The following THSD4 variants were observed in gnomAD, a reference collection of about 807,000 sequenced individuals.
THSD4 encodes the protein thrombospondin type 1 domain containing 4.
In THSD4, 69 loss-of-function variants were observed where a neutral mutation model predicts 119.0. That is an observed-to-expected ratio of 0.58 (90% CI 0.48 to 0.71). THSD4 has a LOEUF of 0.71. Ranked by LOEUF, THSD4 falls within the 30% of genes least tolerant of loss-of-function variation. THSD4 has a pLI of 0.00. For missense variants in THSD4, 1,393 were observed against 1,391.1 expected, an observed-to-expected ratio of 1.00 and a Z score of -0.02; for synonymous variants, 524 against 540.4, an observed-to-expected ratio of 0.97 and a Z score of 0.42.
intron 3 of THSD4, among the ~76,000 whole-genome samples, chr15:71,176,037 C>G (rs1470765271): frequency 1.8e-5 from 2 of 110,224 alleles, no homozygotes; most frequent in Non-Finnish European, 1.9e-5. Flanking sequence ...AAAATCATGC[C>G]AAAATGTAAA....
At chr15:71,296,241 C>T (rs1448855016) in intron 6 of THSD4, among the ~76,000 whole-genome samples, 1 of 152,146 alleles carries the variant, frequency 6.6e-6, no homozygotes, top group Non-Finnish European at 1.5e-5. Flanking sequence ...AACTGTTTCC[C>T]AAAGTGTCTG....
intron 7 of THSD4, among the ~76,000 whole-genome samples, chr15:71,596,933 G>A (rs1299421188): frequency 6.6e-6 from 1 of 152,204 alleles, no homozygotes; most frequent in African/African-American, 2.4e-5. Flanking sequence ...AAGAAGGAAA[G>A]CAGCCAAGGA....
At chr15:71,350,236 A>T (rs2045726690) in intron 6 of THSD4, among the ~76,000 whole-genome samples, 1 of 151,974 alleles carries the variant, frequency 6.6e-6, no homozygotes, top group South Asian at 2.1e-4. Context: ...TTTGTCCTTG[A>T]GTTTGACCAC....
At chr15:71,660,852 C>T in intron 8 of THSD4, 118 bp downstream of exon 8, 8 of 1,155,202 alleles carry the variant, frequency 6.9e-6, no homozygotes, top group Non-Finnish European at 9.9e-6. Context: ...GGCAGTGCCC[C>T]TGGGGAATGT....
chr15:71,730,352 C>G (rs2052952534), intron 9 of THSD4: 1 of 152,252 alleles, frequency 6.6e-6, no homozygotes, highest in South Asian at 2.1e-4. Context: ...GCCCACCACC[C>G]TGCTCCCCAT....
At chr15:71,727,581 T>C (rs1476441229) in intron 8 of THSD4, among the ~76,000 whole-genome samples, 1,163 of 6,256 alleles carry the variant, frequency 0.19, 19 homozygotes, top group African/African-American at 0.31. Context: ...TATATATATA[T>C]ATATATACAC....
intron 7 of THSD4, among the ~76,000 whole-genome samples, chr15:71,558,341 T>C (rs1277509917): frequency 6.6e-6 from 1 of 152,146 alleles, no homozygotes; most frequent in East Asian, 1.9e-4. Flanking sequence ...AAAAAATATA[T>C]GTGTGTGTAT....
At chr15:71,439,667 G>A (rs1052948241) in intron 7 of THSD4, among the ~76,000 whole-genome samples, 3 of 152,162 alleles carry the variant, frequency 2.0e-5, no homozygotes, top group African/African-American at 7.2e-5. Flanking sequence ...TATACACTAT[G>A]GAATACTATG....
intron 13 of THSD4, among the ~76,000 whole-genome samples, chr15:71,748,043 T>A (rs1038957269): frequency 6.6e-6 from 1 of 152,108 alleles, no homozygotes; most frequent in East Asian, 1.9e-4. Context: ...TCCCTTAACA[T>A]CAGTGCTGGT....
intron 6 of THSD4, among the ~76,000 whole-genome samples, chr15:71,378,140 A>G (rs896930318): frequency 3.9e-5 from 6 of 152,102 alleles, no homozygotes; most frequent in Middle Eastern, 3.2e-3. Context: ...TTTTTTTCAT[A>G]TTTTATTATA....
At chr15:71,248,520 G>A (rs1596291226) in intron 5 of THSD4, among the ~76,000 whole-genome samples, 1 of 152,258 alleles carries the variant, frequency 6.6e-6, no homozygotes, top group East Asian at 1.9e-4. Flanking sequence ...GCCAAAGGAG[G>A]CGTGATCCTG....
intron 8 of THSD4, among the ~76,000 whole-genome samples, chr15:71,720,302 AG>A (rs981950367): frequency 1.1e-4 from 17 of 149,236 alleles, no homozygotes; most frequent in Non-Finnish European, 2.4e-4. Context: ...CCGCCCACCT[AG>A]GCCTCCCAAA....
chr15:71,572,809 A>G (rs1453377717), intron 7 of THSD4, among the ~76,000 whole-genome samples: 51 of 152,192 alleles, frequency 3.4e-4, no homozygotes, highest in Non-Finnish European at 1.5e-5. Flanking sequence ...ACACACAGGA[A>G]GGAGGTTGGT....
At position 71,660,752 on chromosome 15, in the gene THSD4, C is replaced by A. The variant is rs755747099; in HGVS notation, c.1357+18C>A. On this transcript the variant is annotated intron_variant, in intron 8 of 17. Coordinates refer to ENST00000261862, the MANE Select transcript of THSD4 (RefSeq NM_024817.3). ...CTATTTGGGTAAGCTTGGTCTTTTT[C>A]CAGAGAAAACCGTCTGTCCCTGCCA... 6.2e-7 allele frequency: 1 copy of A among 1,613,378 alleles called. No homozygotes were observed. The highest frequency in any genetic ancestry group is 1.7e-5 in the Admixed American group (1 of 59,988).
intron 7 of THSD4, among the ~76,000 whole-genome samples, chr15:71,444,796 T>G (rs115181367): frequency 0.015 from 2,310 of 152,320 alleles, 52 homozygotes; most frequent in African/African-American, 0.051. Flanking sequence ...TTTGGACCAT[T>G]GCAGTGGTCT....
chr15:71,202,920 G>A (rs759905056), intron 3 of THSD4, among the ~76,000 whole-genome samples: 12 of 152,120 alleles, frequency 7.9e-5, no homozygotes, highest in Non-Finnish European at 1.3e-4. Flanking sequence ...TAGAGAGAGC[G>A]GGCAGAACAC....
intron 8 of THSD4, among the ~76,000 whole-genome samples, chr15:71,672,315 G>C (rs1269414098): frequency 3.9e-5 from 6 of 152,204 alleles, no homozygotes; most frequent in African/African-American, 1.4e-4. Flanking sequence ...AGGAATGCTT[G>C]TGATTTTTGC....
intron 14 of THSD4, among the ~76,000 whole-genome samples, chr15:71,750,672 G>A (rs1290879414): frequency 6.6e-6 from 1 of 152,208 alleles, no homozygotes; most frequent in Non-Finnish European, 1.5e-5. Flanking sequence ...ATGAGCATCT[G>A]ACTGTGCCCC....
intron 1 of THSD4, among the ~76,000 whole-genome samples, chr15:71,116,030 G>C (rs1596205597): frequency 6.6e-6 from 1 of 152,338 alleles, no homozygotes; most frequent in East Asian, 1.9e-4. Context: ...TCGTCCCCGG[G>C]TCGGGGCCCC....
Sources: allele counts gnomAD v4.1 joint callset (sites outside exome capture counted in the v4.1 genomes callset), GRCh38; gene constraint gnomAD v4.1.1; transcripts MANE v1.5; gene names NCBI Gene and HGNC (gene_info 2026-07-23, HGNC 2026-07-21).